ST6GALNAC5: variants seen among roughly 807,000 people sequenced by gnomAD.
ST6GALNAC5 encodes alpha-N-acetylgalactosaminide alpha-2,6-sialyltransferase 5.
ST6GALNAC5 carries 27 observed loss-of-function variants against 33.6 expected under a neutral mutation model. That is an observed-to-expected ratio of 0.80 (90% CI 0.59 to 1.11). ST6GALNAC5 has a LOEUF of 1.11. ST6GALNAC5 is among the 50% of genes least tolerant of loss of function. The pLI, the probability that ST6GALNAC5 is intolerant of heterozygous loss-of-function variation, is 0.00. For missense variants in ST6GALNAC5, 428 were observed against 454.0 expected (o/e 0.94, Z 0.52); for synonymous variants, 194 against 171.2 (o/e 1.13, Z -1.04).
At chr1:76,982,234 C>T (rs1239931948) in intron 2 of ST6GALNAC5, among the ~76,000 whole-genome samples, 1 of 152,118 alleles carries the variant, frequency 6.6e-6, no homozygotes, top group Non-Finnish European at 1.5e-5. Context: ...GGAGTATGTT[C>T]AAACCCATCG....
intron 2 of ST6GALNAC5, among the ~76,000 whole-genome samples, chr1:76,933,996 A>T (rs1570685395): frequency 2.0e-5 from 3 of 151,982 alleles, no homozygotes; most frequent in African/African-American, 2.4e-5. Flanking sequence ...TCCTGATCAC[A>T]GCCACAAACC....
chr1:76,950,725 A>G (rs1439558224), intron 2 of ST6GALNAC5, among the ~76,000 whole-genome samples: 1 of 152,126 alleles, frequency 6.6e-6, no homozygotes, highest in African/African-American at 2.4e-5. Flanking sequence ...ACAAGGGTAG[A>G]GGTAACTGAA....
At chr1:76,934,301 G>A (rs1441633933) in intron 2 of ST6GALNAC5, among the ~76,000 whole-genome samples, 1 of 151,980 alleles carries the variant, frequency 6.6e-6, no homozygotes, top group Admixed American at 6.6e-5. Context: ...CAATGCAAAT[G>A]GAGTTACAAT....
At chr1:76,929,930 A>C (rs1314804026) in intron 2 of ST6GALNAC5, among the ~76,000 whole-genome samples, 1 of 152,070 alleles carries the variant, frequency 6.6e-6, no homozygotes, top group East Asian at 1.9e-4. Context: ...AGGCAACATA[A>C]TGATACCTCA....
intron 2 of ST6GALNAC5, among the ~76,000 whole-genome samples, chr1:76,965,215 A>ACC (rs76848968): frequency 0.014 from 2,061 of 150,800 alleles, 20 homozygotes; most frequent in Middle Eastern, 0.02. Flanking sequence ...TTAGTTTACC[A>ACC]CCCCCCCCAC....
intron 2 of ST6GALNAC5, among the ~76,000 whole-genome samples, chr1:77,007,371 A>G (rs142056368): frequency 4.2e-4 from 64 of 152,342 alleles, no homozygotes; most frequent in African/African-American, 1.5e-3. Flanking sequence ...CATTAATTTA[A>G]TAAATACTTA....
Position 77,008,798 on chromosome 1 carries a change from G to C in ST6GALNAC5, c.262-35406G>C, listed in dbSNP as rs1650522219. Among the ~76,000 whole-genome samples the C allele has an allele frequency of 2.0e-5, 3 of 152,132 alleles. No individual in the cohort carries two copies. The South Asian group carries it at 6.2e-4, about 32-fold the overall frequency. ...ACCCGCCTCAGCCTACCAAAGTGCT[G>C]GGATTACAGGCGTGAGCCACCATCC... On this transcript the variant is annotated intron_variant, in intron 2 of 4. Transcript: ENST00000477717.
At chr1:76,879,606 C>T (rs1174359904) in intron 2 of ST6GALNAC5, among the ~76,000 whole-genome samples, 1 of 152,140 alleles carries the variant, frequency 6.6e-6, no homozygotes, top group Non-Finnish European at 1.5e-5. Flanking sequence ...TGGGGTGGCT[C>T]CTGAGGAGAA....
At chr1:77,045,257 G>A (rs1349463199) in intron 3 of ST6GALNAC5, among the ~76,000 whole-genome samples, 1 of 152,140 alleles carries the variant, frequency 6.6e-6, no homozygotes, top group African/African-American at 2.4e-5. Flanking sequence ...CTAAAGTAAT[G>A]GGAAGAATGG....
intron 2 of ST6GALNAC5, among the ~76,000 whole-genome samples, chr1:76,874,286 C>T (rs562816110): frequency 1.7e-4 from 26 of 152,246 alleles, no homozygotes; most frequent in Admixed American, 5.2e-4. Flanking sequence ...TGATTTTCCT[C>T]GGCATGACAT....
chr1:76,997,104 T>G (rs892374875), intron 2 of ST6GALNAC5, among the ~76,000 whole-genome samples: 3 of 152,218 alleles, frequency 2.0e-5, no homozygotes, highest in Non-Finnish European at 4.4e-5. Context: ...TCTCACCAAG[T>G]GCAGATTACA....
At chr1:76,996,353 C>T (rs1649938496) in intron 2 of ST6GALNAC5, among the ~76,000 whole-genome samples, 2 of 152,164 alleles carry the variant, frequency 1.3e-5, no homozygotes, top group South Asian at 4.1e-4. Flanking sequence ...GCCTACTATG[C>T]GCCAGACATG....
chr1:76,872,217 C>T (rs1232826839), intron 2 of ST6GALNAC5, among the ~76,000 whole-genome samples: 3 of 152,086 alleles, frequency 2.0e-5, no homozygotes, highest in African/African-American at 4.8e-5. Context: ...GTCTGGATCT[C>T]GTCTGGGTAG....
At chr1:77,046,442 T>C (rs1471622861) in intron 3 of ST6GALNAC5, among the ~76,000 whole-genome samples, 8 of 152,212 alleles carry the variant, frequency 5.3e-5, no homozygotes, top group Non-Finnish European at 1.2e-4. Flanking sequence ...AGTCAAGGAC[T>C]GCACCAGGCA....
intron 2 of ST6GALNAC5, among the ~76,000 whole-genome samples, chr1:77,022,801 TAGG>T (rs1217712733): frequency 1.3e-5 from 2 of 152,238 alleles, no homozygotes; most frequent in Non-Finnish European, 2.9e-5. Context: ...TTGGCCCTTT[TAGG>T]AGAAGTGACA....
chr1:77,063,326 AC>A lies in ST6GALNAC5; in HGVS notation c.*122del. The A allele has an allele frequency of 2.3e-6, 2 of 856,238 alleles. No homozygotes were observed. The highest frequency in any genetic ancestry group is 3.6e-6 in the Non-Finnish European group (2 of 552,394). The allele number at this position is 856,238 out of a possible 1,614,324, so 53.0% of individuals were successfully genotyped here. ...AAAACAGCTTCACTCCTCAGGAAGT[AC>A]CATGGACAGACGCCTACCAGGGGTG... On this transcript the variant is annotated 3_prime_UTR_variant, in exon 5 of 5. Coordinates refer to ENST00000477717, the MANE Select transcript of ST6GALNAC5 (RefSeq NM_030965.3).
In ST6GALNAC5 at chr1:76,999,734, T is replaced by C. The variant is rs372954232; in HGVS notation, c.262-44470T>C. ...CAATTCCCACCTATGAGTGAGAATA[T>C]GCAGTGTTTGGTTTTTTGTTCTTGC... On this transcript the variant is annotated intron_variant, in intron 2 of 4. Transcript: ENST00000477717. Among the ~76,000 whole-genome samples the C allele has an allele frequency of 2.9e-3, 434 of 147,636 alleles. 7 individuals carry two copies. The East Asian group carries it at 0.06, about 20-fold the overall frequency.
intron 2 of ST6GALNAC5, among the ~76,000 whole-genome samples, chr1:76,981,677 G>C (rs1331717670): frequency 6.6e-6 from 1 of 152,282 alleles, no homozygotes; most frequent in East Asian, 1.9e-4. Flanking sequence ...TGGACAGACT[G>C]CCTCCTCAAG....
intron 2 of ST6GALNAC5, among the ~76,000 whole-genome samples, chr1:76,993,236 C>G (rs371655777): frequency 2.6e-5 from 4 of 152,296 alleles, no homozygotes; most frequent in South Asian, 4.1e-4. Flanking sequence ...TTTTGTCTAT[C>G]TCTGTGTTGT....
Sources: allele counts gnomAD v4.1 joint callset (sites outside exome capture counted in the v4.1 genomes callset), GRCh38; gene constraint gnomAD v4.1.1; transcripts MANE v1.5; gene names NCBI Gene and HGNC (gene_info 2026-07-23, HGNC 2026-07-21).